Variants in TENM2 observed in about 807,000 individuals in gnomAD.
TENM2 encodes teneurin-2.
Under a neutral mutation model 245.2 loss-of-function variants are expected in TENM2, and 52 were observed. The ratio of observed to expected loss-of-function variants is 0.21; its 90% CI spans 0.17 to 0.27. The LOEUF is 0.27. TENM2 is among the 10% of genes least tolerant of loss of function. The pLI is 1.00. For missense variants in TENM2, 3,046 were observed against 3,666.8 expected (o/e 0.83, Z 4.37); for synonymous variants, 1,363 against 1,438.9 (o/e 0.95, Z 1.19).
the TENM2 span, among the ~76,000 whole-genome samples, chr5:167,134,579 C>T: frequency 6.6e-6 from 1 of 152,186 alleles, no homozygotes; most frequent in African/African-American, 2.4e-5. Context: ...TGCAAAATGC[C>T]TGGCAAAGTG....
chr5:167,386,809 A>T (rs1410189504), intron 2 of TENM2, among the ~76,000 whole-genome samples: 1 of 152,038 alleles, frequency 6.6e-6, no homozygotes, highest in Non-Finnish European at 1.5e-5. Context: ...ATTGTTGAAG[A>T]TCAGTTCCTG....
chr5:167,699,299 A>C (rs1251436710), intron 2 of TENM2, among the ~76,000 whole-genome samples: 1 of 152,086 alleles, frequency 6.6e-6, no homozygotes, highest in African/African-American at 2.4e-5. Flanking sequence ...TCCAAGCCCA[A>C]TAAAATGAAT....
At chr5:167,406,216 T>G (rs1762630261) in intron 2 of TENM2, among the ~76,000 whole-genome samples, 1 of 152,140 alleles carries the variant, frequency 6.6e-6, no homozygotes, top group African/African-American at 2.4e-5. Context: ...TTTGCAGTAA[T>G]CCACCTTGTC....
chr5:168,141,688 A>G (rs896678849), intron 12 of TENM2, among the ~76,000 whole-genome samples: 9 of 152,252 alleles, frequency 5.9e-5, no homozygotes, highest in African/African-American at 2.2e-4. Flanking sequence ...ATATAGATTT[A>G]AAAAGCCATT....
chr5:167,285,582 A>G (rs774047943), intron 1 of TENM2, among the ~76,000 whole-genome samples: 16 of 152,096 alleles, frequency 1.1e-4, no homozygotes, highest in African/African-American at 3.1e-4. Flanking sequence ...TGGGAGGAGA[A>G]TATTTTTCTC....
chr5:167,802,921 A>G (rs1312826714), intron 2 of TENM2, among the ~76,000 whole-genome samples: 1 of 152,168 alleles, frequency 6.6e-6, no homozygotes, highest in African/African-American at 2.4e-5. Flanking sequence ...AACTTGTGTG[A>G]GTCCTAGAAA....
chr5:168,253,570 C>A (rs1338949676), intron 27 of TENM2, among the ~76,000 whole-genome samples: 1 of 151,838 alleles, frequency 6.6e-6, no homozygotes, highest in Non-Finnish European at 1.5e-5. Flanking sequence ...GAACTACAGG[C>A]GCCCGCCACC....
intron 5 of TENM2, among the ~76,000 whole-genome samples, chr5:168,029,406 A>G (rs1034189128): frequency 1.3e-5 from 2 of 152,192 alleles, no homozygotes; most frequent in Non-Finnish European, 2.9e-5. Context: ...TAAGGATCCT[A>G]TGCTAGTATG....
At chr5:167,863,066 G>A (rs943980766) in intron 2 of TENM2, among the ~76,000 whole-genome samples, 5 of 152,160 alleles carry the variant, frequency 3.3e-5, no homozygotes, top group Non-Finnish European at 5.9e-5. Flanking sequence ...TCTTGGCTTT[G>A]CGCATTACTT....
intron 1 of TENM2, among the ~76,000 whole-genome samples, chr5:167,300,920 A>G (rs1372907769): frequency 1.3e-5 from 2 of 152,290 alleles, no homozygotes; most frequent in Middle Eastern, 3.4e-3. Flanking sequence ...AAAGAGTATT[A>G]TCTAAGTTGG....
intron 2 of TENM2, among the ~76,000 whole-genome samples, chr5:167,642,967 C>T (rs926757296): frequency 1.4e-4 from 21 of 152,248 alleles, no homozygotes; most frequent in South Asian, 1.2e-3. Context: ...CAGTGCTCAG[C>T]GGATGTTCCC....
chr5:167,588,157 G>A (rs576586735), intron 2 of TENM2, among the ~76,000 whole-genome samples: 4 of 152,184 alleles, frequency 2.6e-5, no homozygotes, highest in African/African-American at 7.2e-5. Flanking sequence ...TGACATGAAC[G>A]TGCAACATAA....
At chr5:168,000,347 T>C (rs1784338955) in intron 5 of TENM2, among the ~76,000 whole-genome samples, 1 of 152,214 alleles carries the variant, frequency 6.6e-6, no homozygotes, top group Non-Finnish European at 1.5e-5. Flanking sequence ...AGTTCTTGCT[T>C]TGCCTTGGTA....
At chr5:167,622,212 C>T (rs1275723385) in intron 2 of TENM2, among the ~76,000 whole-genome samples, 2 of 152,076 alleles carry the variant, frequency 1.3e-5, no homozygotes, top group African/African-American at 4.8e-5. Context: ...AAAAAGTAAA[C>T]AGCAGCTTGG....
chr5:167,122,387 T>C, the TENM2 span, among the ~76,000 whole-genome samples: 1 of 152,166 alleles, frequency 6.6e-6, no homozygotes, highest in African/African-American at 2.4e-5. Context: ...CCCCATTTGA[T>C]ATTTGCATAT....
chr5:167,802,417 G>A (rs1765851494), intron 2 of TENM2, among the ~76,000 whole-genome samples: 1 of 152,146 alleles, frequency 6.6e-6, no homozygotes, highest in Admixed American at 6.5e-5. Context: ...CCTATTACCA[G>A]TTACTAGAAG....
intron 3 of TENM2, among the ~76,000 whole-genome samples, chr5:167,876,798 G>T (rs1773465127): frequency 1.3e-5 from 2 of 152,060 alleles, no homozygotes; most frequent in African/African-American, 2.4e-5. Context: ...TGGTGGTGTG[G>T]TACTATGGTA....
chr5:168,254,808 A>C (rs1223895234), intron 27 of TENM2, among the ~76,000 whole-genome samples: 1 of 152,178 alleles, frequency 6.6e-6, no homozygotes, highest in Non-Finnish European at 1.5e-5. Flanking sequence ...GCACTTTGGG[A>C]GGCTGAGGCA....
At chr5:167,350,821 TATATATATGGGATATATACATATGG>T (rs774683970) in intron 1 of TENM2, among the ~76,000 whole-genome samples, 50 of 131,712 alleles carry the variant, frequency 3.8e-4, no homozygotes, top group East Asian at 1.3e-3. Flanking sequence ...TACATATGGA[TATATATATGGGATATATACATATGG>T]ATATATATAT....
Sources: allele counts gnomAD v4.1 joint callset (sites outside exome capture counted in the v4.1 genomes callset), GRCh38; gene constraint gnomAD v4.1.1; transcripts MANE v1.5; gene names NCBI Gene and HGNC (gene_info 2026-07-23, HGNC 2026-07-21).